SNRPN: variants seen among roughly 807,000 people sequenced by gnomAD.
SNRPN encodes small nuclear ribonucleoprotein-associated protein N.
SNRPN carries 7 observed loss-of-function variants against 25.2 expected under a neutral mutation model. That is an observed-to-expected ratio of 0.28 (90% CI 0.16 to 0.52). SNRPN has a LOEUF of 0.52. SNRPN is among the 20% of genes least tolerant of loss of function. SNRPN has a pLI of 0.96. For synonymous variants in SNRPN, 124 were observed against 110.6 expected, an observed-to-expected ratio of 1.12 and a Z score of -0.76; for missense variants, 196 against 322.5, an observed-to-expected ratio of 0.61 and a Z score of 3.00.
chr15:24,968,260 C>G (rs1271023175), intron 3 of SNRPN, 178 bp downstream of exon 3: 3 of 503,710 alleles, frequency 6.0e-6, no homozygotes, highest in Non-Finnish European at 7.1e-6. Flanking sequence ...CTGACACTTT[C>G]GTCATGTTTC....
At chr15:24,862,208 A>G (rs1285619911) in intron 1 of SNRPN, among the ~76,000 whole-genome samples, 5 of 151,268 alleles carry the variant, frequency 3.3e-5, no homozygotes, top group Admixed American at 3.3e-4. Flanking sequence ...GGAAATATTT[A>G]TCAAGGGAAC....
At chr15:24,942,718 C>G (rs1296510409) in intron 3 of SNRPN, among the ~76,000 whole-genome samples, 1 of 152,126 alleles carries the variant, frequency 6.6e-6, no homozygotes, top group Admixed American at 6.5e-5. Flanking sequence ...AATCAACCTG[C>G]CACCAGGTAG....
chr15:24,976,497 C>A, intron 6 of SNRPN, 81 bp downstream of exon 6: 1 of 957,498 alleles, frequency 1.0e-6, no homozygotes, highest in Non-Finnish European at 1.6e-6. Context: ...CAGGGTAGAG[C>A]AGACACAGTT....
At chr15:24,895,091 TG>T (rs533254355) in intron 2 of SNRPN, among the ~76,000 whole-genome samples, 1 of 152,140 alleles carries the variant, frequency 6.6e-6, no homozygotes, top group Non-Finnish European at 1.5e-5. Flanking sequence ...TGTAATAAAC[TG>T]GGGGAAACAG....
chr15:24,862,211 A>C lies in SNRPN; in HGVS notation c.-579+5495A>C, dbSNP rs553215074. ...GAGAACAACATTGGAAATATTTATC[A>C]AGGGAACCATATTAATGTAAGCGAA... On this transcript the variant is annotated intron_variant, in intron 1 of 11. Coordinates refer to the SNRPN transcript ENST00000400097. Among the ~76,000 whole-genome samples, 73 of 151,392 alleles carry C rather than the reference A, an allele frequency of 4.8e-4. 6 individuals carry two copies. Among genetic ancestry groups the C allele is most frequent in the African/African-American group, 1.7e-3 (68 of 40,696 alleles).
rs1312431540 is a variant in SNRPN at position 24,929,094 on chromosome 15, C to G, written c.-391+8970C>G. Reference sequence around the variant, plus strand: ...CTACTGGTATGTTATTGCTTTTAGGCCCTTCCAGATATACGGGATATAAAG... The same window carrying G: ...CTACTGGTATGTTATTGCTTTTAGGGCCTTCCAGATATACGGGATATAAAG... On this transcript the variant is annotated intron_variant, in intron 3 of 11. Transcript: ENST00000400097. The surrounding 1 kb of genome is among the most constrained non-coding windows in gnomAD (Gnocchi z 5.3). Among the ~76,000 whole-genome samples the G allele has an allele frequency of 6.6e-6, 1 of 152,002 alleles. No individual in the cohort carries two copies. Among genetic ancestry groups the G allele is most frequent in the Non-Finnish European group, 1.5e-5 (1 of 68,010 alleles).
chr15:24,892,630 G>C (rs538568597), intron 2 of SNRPN, among the ~76,000 whole-genome samples: 3 of 114,718 alleles, frequency 2.6e-5, no homozygotes, highest in East Asian at 7.0e-4. Flanking sequence ...CCAGCTACTC[G>C]GGAGGCTGAG....
At chr15:24,959,853 A>G (rs910979611) in intron 1 of SNRPN, among the ~76,000 whole-genome samples, 1 of 152,240 alleles carries the variant, frequency 6.6e-6, no homozygotes, top group Non-Finnish European at 1.5e-5. Flanking sequence ...TACGTTTAAT[A>G]CAAAGAATTA....
At chr15:24,874,117 T>A (rs1193801663) in intron 1 of SNRPN, among the ~76,000 whole-genome samples, 1 of 151,602 alleles carries the variant, frequency 6.6e-6, no homozygotes, top group Non-Finnish European at 1.5e-5. Flanking sequence ...GAGATTATCC[T>A]GGCTAACACA....
chr15:24,944,700 CTGTG>C (rs2061769286), intron 3 of SNRPN, among the ~76,000 whole-genome samples: 1 of 152,260 alleles, frequency 6.6e-6, no homozygotes, highest in African/African-American at 2.4e-5. Flanking sequence ...CTACCGAAAT[CTGTG>C]TGTGTTAGGG....
At chr15:24,955,962 G>T (rs184595709) in intron 1 of SNRPN, among the ~76,000 whole-genome samples, 5 of 152,002 alleles carry the variant, frequency 3.3e-5, no homozygotes, top group Non-Finnish European at 7.4e-5. Flanking sequence ...AGCACAGTCC[G>T]CAGCCTTTAA....
At chr15:24,930,748 A>G (rs1486981229) in intron 3 of SNRPN, among the ~76,000 whole-genome samples, 1 of 152,066 alleles carries the variant, frequency 6.6e-6, no homozygotes, top group African/African-American at 2.4e-5. Context: ...AAAAATAAAA[A>G]ATTAGCAGGG....
At chr15:24,876,609 T>G (rs1595622437) in intron 1 of SNRPN, among the ~76,000 whole-genome samples, 1 of 123,928 alleles carries the variant, frequency 8.1e-6, no homozygotes, top group African/African-American at 3.2e-5. Flanking sequence ...AGAGCGAGAC[T>G]CCATCTCAAA....
intron 2 of SNRPN, among the ~76,000 whole-genome samples, chr15:24,903,035 C>G (rs547770089): frequency 6.6e-6 from 1 of 152,112 alleles, no homozygotes; most frequent in Non-Finnish European, 1.5e-5. Context: ...GTTTACAAAC[C>G]TTTAGCTAGA....
intron 9 of SNRPN, 32 bp downstream of exon 9, chr15:24,978,350 G>T (rs1251736272): frequency 5.6e-6 from 9 of 1,613,984 alleles, no homozygotes; most frequent in Non-Finnish European, 7.6e-6. Context: ...TGATGGTTCA[G>T]CCAGGCCCCT....
chr15:24,972,700 C>T (rs2076577794), intron 3 of SNRPN, among the ~76,000 whole-genome samples: 1 of 152,000 alleles, frequency 6.6e-6, no homozygotes, highest in African/African-American at 2.4e-5. Context: ...AGACCCTTTA[C>T]AATTCTGGCT....
chr15:24,869,775 CCT>C (rs1388275959), intron 1 of SNRPN, among the ~76,000 whole-genome samples: 3 of 152,192 alleles, frequency 2.0e-5, no homozygotes, highest in Non-Finnish European at 4.4e-5. Context: ...CTCCACTTTC[CCT>C]GTTTCACTTT....
At chr15:24,957,696 TAGC>T (rs1276869212) in intron 1 of SNRPN, among the ~76,000 whole-genome samples, 2 of 152,208 alleles carry the variant, frequency 1.3e-5, no homozygotes, top group Non-Finnish European at 2.9e-5. Context: ...GTTTTAAAAA[TAGC>T]AGGAGTCTGG....
chr15:24,938,226 G>T (rs535422580), intron 3 of SNRPN, among the ~76,000 whole-genome samples: 1 of 150,808 alleles, frequency 6.6e-6, no homozygotes, highest in African/African-American at 2.4e-5. Context: ...AGCGATTTTC[G>T]CTTGATTCTC....
Sources: allele counts gnomAD v4.1 joint callset (sites outside exome capture counted in the v4.1 genomes callset), GRCh38; gene constraint gnomAD v4.1.1; non-coding constraint Gnocchi (gnomAD v3.1); transcripts MANE v1.5; gene names NCBI Gene and HGNC (gene_info 2026-07-23, HGNC 2026-07-21).